ERAP1: variants seen among roughly 807,000 people sequenced by gnomAD.
The protein encoded by ERAP1 is adipocyte-derived leucine aminopeptidase.
Under a neutral mutation model 103.7 loss-of-function variants are expected in ERAP1, and 86 were observed. The ratio of observed to expected loss-of-function variants is 0.83; its 90% CI spans 0.70 to 0.99. The LOEUF is 0.99. ERAP1 is among the 50% of genes least tolerant of loss of function. The probability of loss-of-function intolerance (pLI) is 0.00; values close to 1 mark genes in which losing one functional copy is unlikely to be tolerated. For synonymous variants in ERAP1, 398 were observed against 402.4 expected (o/e 0.99, Z 0.13); for missense variants, 1,009 against 1,128.4 (o/e 0.89, Z 1.52).
the ERAP1 span, among the ~76,000 whole-genome samples, chr5:96,856,377 G>GAGAGAGAGAGA: frequency 2.0e-5 from 2 of 100,038 alleles, no homozygotes; most frequent in Non-Finnish European, 4.1e-5. Flanking sequence ...GAGAGAGAGA[G>GAGAGAGAGAGA]AGAGAGAGAG....
chr5:96,792,393 C>G (rs1054819797), intron 7 of ERAP1, among the ~76,000 whole-genome samples: 1 of 152,066 alleles, frequency 6.6e-6, no homozygotes, highest in Non-Finnish European at 1.5e-5. Flanking sequence ...TTTAGTTAAA[C>G]ATTATAGATT....
At chr5:96,799,639 C>T (rs772461501) in intron 3 of ERAP1, among the ~76,000 whole-genome samples, 3 of 152,162 alleles carry the variant, frequency 2.0e-5, no homozygotes, top group Non-Finnish European at 4.4e-5. Context: ...CCTTTATTCT[C>T]CTAGAACTTT....
Position 96,793,897 on chromosome 5 carries a change from T to C in ERAP1, c.980A>G (p.Tyr327Cys), listed in dbSNP as rs989797875. Residue 327 changes from tyrosine (Y) to cysteine (C), a missense_variant, in exon 6 of 19, where the codon TAT becomes TGT. By Grantham distance (194) the Tyr-to-Cys change is radical. This residue lies in a region of ERAP1 where 392 missense variants were observed against 455.2 expected (regional missense o/e 0.86). Coordinates refer to ENST00000443439, the MANE Select transcript of ERAP1 (RefSeq NM_001040458.3). Reference sequence around the variant, plus strand: ...ATCAAACAACAGAGCAGATTCTCTATATGTTGTCAGTCCCCAGTTTTCCAT... The same window carrying C: ...ATCAAACAACAGAGCAGATTCTCTACATGTTGTCAGTCCCCAGTTTTCCAT... ...GAMENWGLTT[Y>C]RESALLFDAE... 9 of 1,614,050 alleles carry C rather than the reference T, an allele frequency of 5.6e-6. No homozygotes were observed. The East Asian group carries it at 8.9e-5, about 16-fold the overall frequency.
At chr5:96,846,225 T>C in the ERAP1 span, among the ~76,000 whole-genome samples, 1 of 152,194 alleles carries the variant, frequency 6.6e-6, no homozygotes, top group Non-Finnish European at 1.5e-5. Flanking sequence ...AGGCCCATGA[T>C]CTATCCTACC....
the ERAP1 span, among the ~76,000 whole-genome samples, chr5:96,878,459 T>C: frequency 6.6e-6 from 1 of 152,146 alleles, no homozygotes; most frequent in African/African-American, 2.4e-5. Flanking sequence ...GAATATTCTT[T>C]GTGACTTATG....
At chr5:96,807,413 C>A (rs529873729) in intron 1 of ERAP1, among the ~76,000 whole-genome samples, 1 of 152,226 alleles carries the variant, frequency 6.6e-6, no homozygotes, top group South Asian at 2.1e-4. Flanking sequence ...GCCAGCTGCC[C>A]GCCCCACCCC....
At chr5:96,836,593 C>A in the ERAP1 span, among the ~76,000 whole-genome samples, 1 of 152,174 alleles carries the variant, frequency 6.6e-6, no homozygotes, top group Non-Finnish European at 1.5e-5. Flanking sequence ...TGATTTTTGG[C>A]ATATTAGTGG....
chr5:96,898,420 A>C, the ERAP1 span, among the ~76,000 whole-genome samples: 1 of 151,912 alleles, frequency 6.6e-6, no homozygotes, highest in African/African-American at 2.4e-5. Context: ...ATCCTGAGAC[A>C]TATTCAAATA....
the ERAP1 span, chr5:96,900,310 A>T: frequency 2.1e-6 from 3 of 1,408,150 alleles, no homozygotes; most frequent in Non-Finnish European, 2.8e-6. Flanking sequence ...GAGAGCCCCC[A>T]CGATTTTCTC....
the ERAP1 span, among the ~76,000 whole-genome samples, chr5:96,897,249 CTCTCTTA>C: frequency 6.6e-6 from 1 of 152,220 alleles, no homozygotes; most frequent in African/African-American, 2.4e-5. Flanking sequence ...AACTAATCTT[CTCTCTTA>C]TAAGAAGAAA....
At chr5:96,851,515 A>C in the ERAP1 span, among the ~76,000 whole-genome samples, 2 of 152,176 alleles carry the variant, frequency 1.3e-5, no homozygotes, top group African/African-American at 4.8e-5. Context: ...TTGAGAAATG[A>C]TGTCAAGCAT....
chr5:96,828,054 T>A, the ERAP1 span, among the ~76,000 whole-genome samples: 1 of 152,244 alleles, frequency 6.6e-6, no homozygotes. Context: ...ACATTCATCT[T>A]GTAAATTATT....
At chr5:96,889,949 C>T in the ERAP1 span, among the ~76,000 whole-genome samples, 6 of 152,032 alleles carry the variant, frequency 3.9e-5, no homozygotes, top group South Asian at 1.0e-3. Flanking sequence ...TAAAAGTTGT[C>T]AAAAGTTTAT....
the ERAP1 span, among the ~76,000 whole-genome samples, chr5:96,862,335 A>G: frequency 1.3e-5 from 2 of 152,212 alleles, no homozygotes; most frequent in Non-Finnish European, 1.5e-5. Flanking sequence ...TTTAGTGGAC[A>G]AGACATTGCT....
the ERAP1 span, among the ~76,000 whole-genome samples, chr5:96,862,314 A>G: frequency 2.2e-3 from 330 of 152,318 alleles, no homozygotes; most frequent in African/African-American, 7.6e-3. Flanking sequence ...AAAAGGTGAT[A>G]CTATAAGTTC....
At chr5:96,924,128 C>T in the ERAP1 span, among the ~76,000 whole-genome samples, 1 of 152,218 alleles carries the variant, frequency 6.6e-6, no homozygotes, top group Non-Finnish European at 1.5e-5. Flanking sequence ...CCTGCTAGTA[C>T]ACGATGGTAT....
the ERAP1 span, among the ~76,000 whole-genome samples, chr5:96,856,896 C>G: frequency 6.6e-6 from 1 of 152,212 alleles, no homozygotes; most frequent in South Asian, 2.1e-4. Context: ...TTTGTGGGCA[C>G]AGACCACCCA....
At chr5:96,823,003 C>T in the ERAP1 span, 1 of 454,416 alleles carries the variant, frequency 2.2e-6, no homozygotes, top group South Asian at 1.6e-5. Context: ...TTCAGTTACA[C>T]AAGGTTGTAG....
At chr5:96,824,883 T>C in the ERAP1 span, among the ~76,000 whole-genome samples, 46 of 152,218 alleles carry the variant, frequency 3.0e-4, no homozygotes, top group African/African-American at 1.1e-3. Context: ...ACCCTATTTC[T>C]ACCAAAAATT....
Sources: allele counts gnomAD v4.1 joint callset (sites outside exome capture counted in the v4.1 genomes callset), GRCh38; gene constraint gnomAD v4.1.1; regional missense constraint gnomAD v4.1.1; transcripts MANE v1.5; gene names NCBI Gene and HGNC (gene_info 2026-07-23, HGNC 2026-07-21).